NOXRED1: variants seen among roughly 807,000 people sequenced by gnomAD.
NOXRED1 encodes the protein NADP dependent oxidoreductase domain containing 1.
Under a neutral mutation model 30.4 loss-of-function variants are expected in NOXRED1, and 20 were observed. The observed-to-expected ratio is 0.66, with a 90% CI of 0.46 to 0.96. The LOEUF is 0.96. Among genes scored for constraint, NOXRED1 ranks in the 40% least tolerant of loss-of-function variants. The pLI is 0.00. For synonymous variants in NOXRED1, 155 were observed against 168.0 expected, an observed-to-expected ratio of 0.92 and a Z score of 0.60; for missense variants, 374 against 428.0, an observed-to-expected ratio of 0.87 and a Z score of 1.11.
At chr14:77,415,792 C>A (rs1297996129) in intron 1 of NOXRED1, among the ~76,000 whole-genome samples, 1 of 151,794 alleles carries the variant, frequency 6.6e-6, no homozygotes, top group Non-Finnish European at 1.5e-5. Flanking sequence ...TCACTGCAAC[C>A]TCCACCTCTC....
chr14:77,416,659 C>A (rs527857140), intron 1 of NOXRED1, among the ~76,000 whole-genome samples: 34 of 152,256 alleles, frequency 2.2e-4, no homozygotes, highest in South Asian at 4.1e-4. Context: ...ACCCTTCCCC[C>A]CTTTCTATTC....
Position 77,423,021 on chromosome 14 carries a change from G to T in NOXRED1, c.-132C>A. The T allele has an allele frequency of 1.4e-6, 1 of 699,308 alleles. No homozygotes were observed. The highest frequency in any genetic ancestry group is 2.5e-6 in the Non-Finnish European group (1 of 407,560). The allele number at this position is 699,308 out of a possible 1,614,324, so 43.3% of individuals were successfully genotyped here. ...CAGGTCACAAGCACTCATGATGATG[G>T]GCTTCAGCACCTCTCTACTCCCAGA... On this transcript the variant is annotated 5_prime_UTR_variant, in exon 1 of 6. Transcript: ENST00000380835.
At chr14:77,404,103 T>C (rs566344571) in intron 5 of NOXRED1, among the ~76,000 whole-genome samples, 2 of 152,338 alleles carry the variant, frequency 1.3e-5, no homozygotes, top group South Asian at 2.1e-4. Flanking sequence ...AAAGAGTCTC[T>C]GAAAATTATT....
upstream of NOXRED1, among the ~76,000 whole-genome samples, chr14:77,424,161 A>G (rs1175086284): frequency 6.6e-6 from 1 of 152,246 alleles, no homozygotes. Flanking sequence ...CTTTAAAAGC[A>G]AAGTCTCACC....
intron 1 of NOXRED1, among the ~76,000 whole-genome samples, chr14:77,415,796 A>C (rs1894805144): frequency 6.8e-6 from 1 of 146,064 alleles, no homozygotes; most frequent in Admixed American, 7.0e-5. Context: ...TGCAACCTCC[A>C]CCTCTCACAT....
Position 77,394,420 on chromosome 14 carries a change from C to T in NOXRED1, c.*211G>A, listed in dbSNP as rs1894126730. On this transcript the variant is annotated 3_prime_UTR_variant, in exon 6 of 6. Transcript: ENST00000380835. ...TTAGGTTGTGTAGTTTCACTAGTTG[C>T]TTCTGAGAGCCAGATACATATTGAT... is the stretch of plus-strand genomic sequence containing the variant. 2.6e-6 allele frequency: 1 copy of T among 382,096 alleles called. No homozygotes were observed. Among genetic ancestry groups the T allele is most frequent in the East Asian group, 3.8e-5 (1 of 26,442 alleles). 23.7% of individuals were successfully genotyped at this position (382,096 alleles called of 1,614,324 possible).
upstream of NOXRED1, among the ~76,000 whole-genome samples, chr14:77,424,425 C>T (rs1363997540): frequency 6.6e-6 from 1 of 152,052 alleles, no homozygotes; most frequent in Non-Finnish European, 1.5e-5. Context: ...TGAGATTGCG[C>T]CATTGTACTC....
At chr14:77,406,475 ATCC>A in intron 4 of NOXRED1, 1 of 601,720 alleles carries the variant, frequency 1.7e-6, no homozygotes, top group Non-Finnish European at 3.0e-6. Context: ...CCAACATTAC[ATCC>A]TCCTATTGAA....
chr14:77,396,399 A>G, intron 5 of NOXRED1, among the ~76,000 whole-genome samples: 1 of 151,790 alleles, frequency 6.6e-6, no homozygotes, highest in East Asian at 1.9e-4. Flanking sequence ...ACAGGCATGC[A>G]CCACCATGCC....
intron 5 of NOXRED1, among the ~76,000 whole-genome samples, chr14:77,395,500 G>T (rs935310264): frequency 1.3e-5 from 2 of 151,938 alleles, no homozygotes; most frequent in African/African-American, 2.4e-5. Flanking sequence ...ATCCTCTTTA[G>T]CTGTATAGAT....
Sources: gnomAD v4.1 joint callset for allele counts (sites outside exome capture counted in the v4.1 genomes callset) on GRCh38, gnomAD v4.1.1 for gene constraint, MANE v1.5 for transcripts, NCBI Gene and HGNC (gene_info 2026-07-23, HGNC 2026-07-21) for gene names.